The following SPATA45 variants were observed in gnomAD, a reference collection of about 807,000 sequenced individuals.
SPATA45 encodes spermatogenesis associated 45, also known as spermatogenesis-associated protein 45.
A neutral mutation model predicts 7.0 loss-of-function variants in SPATA45; 5 were observed. That is an observed-to-expected ratio of 0.71 (90% CI 0.37 to 1.50). The LOEUF is 1.50. Ranked by LOEUF, SPATA45 falls within the 40% of genes most tolerant of loss-of-function variation. The pLI is 0.03. For missense variants in SPATA45, 111 were observed against 114.9 expected (o/e 0.97, Z 0.16); for synonymous variants, 40 against 38.7 (o/e 1.03, Z -0.13).
chr1:212,834,731 G>A (rs1299987645), intron 2 of SPATA45, among the ~76,000 whole-genome samples: 1 of 151,670 alleles, frequency 6.6e-6, no homozygotes, highest in Admixed American at 6.6e-5. Context: ...GACTGGAGGT[G>A]TGAGCCACCG....
chr1:212,841,257 C>T (rs561749219), intron 1 of SPATA45, among the ~76,000 whole-genome samples: 2 of 152,130 alleles, frequency 1.3e-5, no homozygotes, highest in South Asian at 4.2e-4. Context: ...CTCCTAGGCT[C>T]AAGTGATCTT....
chr1:212,842,392 A>G (rs1468349840), intron 1 of SPATA45, among the ~76,000 whole-genome samples: 8 of 152,130 alleles, frequency 5.3e-5, no homozygotes, highest in Admixed American at 5.2e-4. Context: ...AAAATAAAAT[A>G]AAAATAAAAT....
intron 1 of SPATA45, among the ~76,000 whole-genome samples, chr1:212,841,308 C>A (rs558712186): frequency 6.6e-6 from 1 of 151,956 alleles, no homozygotes; most frequent in Non-Finnish European, 1.5e-5. Context: ...ACCACAAGTG[C>A]GCACCACCAT....
chr1:212,844,564 C>A (rs1663754841), intron 1 of SPATA45, among the ~76,000 whole-genome samples: 1 of 152,184 alleles, frequency 6.6e-6, no homozygotes, highest in African/African-American at 2.4e-5. Flanking sequence ...TCGCCACTCA[C>A]CAGCAAAGGC....
intron 1 of SPATA45, among the ~76,000 whole-genome samples, chr1:212,843,668 G>A (rs1663736061): frequency 6.6e-6 from 1 of 152,176 alleles, no homozygotes; most frequent in South Asian, 2.1e-4. Context: ...AGGGCCCTAT[G>A]TGACTGTTTG....
At chr1:212,837,502 A>G (rs952856047) in intron 1 of SPATA45, among the ~76,000 whole-genome samples, 1 of 151,564 alleles carries the variant, frequency 6.6e-6, no homozygotes, top group Admixed American at 6.6e-5. Context: ...GCATGGTGGC[A>G]GGCACCTGTA....
Position 212,837,662 on chromosome 1 carries a change from C to T in SPATA45, c.-38-1475G>A, listed in dbSNP as rs186410363. 1.4e-4 allele frequency among the ~76,000 whole-genome samples: 21 copies of T among 151,678 alleles called. 1 individual carries two copies. The East Asian group carries it at 2.5e-3, about 18-fold the overall frequency. On this transcript the variant is annotated intron_variant, in intron 1 of 2. Transcript: ENST00000332912. ...AATAAAATAAAATAAAGTGGCCAGGCGCAGTGGCTCACGCCTATAATCCCA... is the reference window on the plus strand; with the variant it reads ...AATAAAATAAAATAAAGTGGCCAGGTGCAGTGGCTCACGCCTATAATCCCA...
chr1:212,846,803 G>T (rs1663806055), intron 1 of SPATA45, among the ~76,000 whole-genome samples: 1 of 152,194 alleles, frequency 6.6e-6, no homozygotes, highest in Non-Finnish European at 1.5e-5. Context: ...GGACGCACGT[G>T]ACAAAAGGGG....
chr1:212,841,999 G>C (rs1317516484), intron 1 of SPATA45, among the ~76,000 whole-genome samples: 2 of 151,912 alleles, frequency 1.3e-5, no homozygotes, highest in African/African-American at 4.8e-5. Context: ...GACCTCAAGT[G>C]ATCTGCCCGC....
intron 2 of SPATA45, among the ~76,000 whole-genome samples, chr1:212,834,306 A>G (rs1018808330): frequency 6.6e-6 from 1 of 151,626 alleles, no homozygotes; most frequent in African/African-American, 2.4e-5. Flanking sequence ...TTTCAAATAA[A>G]TGAAAAAATG....
chr1:212,835,769 G>C, intron 2 of SPATA45, 104 bp downstream of exon 2: 1 of 1,017,824 alleles, frequency 9.8e-7, no homozygotes, highest in African/African-American at 1.6e-5. Flanking sequence ...CCGGGAGGTG[G>C]AGGTTGCAGT....
chr1:212,842,787 A>G (rs1453152176), intron 1 of SPATA45, among the ~76,000 whole-genome samples: 1 of 151,976 alleles, frequency 6.6e-6, no homozygotes, highest in Non-Finnish European at 1.5e-5. Flanking sequence ...AGCCTGGCCA[A>G]CATGGTGAAA....
intron 1 of SPATA45, among the ~76,000 whole-genome samples, chr1:212,839,344 T>TG (rs1233346011): frequency 6.7e-6 from 1 of 150,314 alleles, no homozygotes; most frequent in Non-Finnish European, 1.5e-5. Context: ...AGGCTAGGTA[T>TG]GGTGGCTCAT....
chr1:212,840,996 A>G (rs932849703), intron 1 of SPATA45, among the ~76,000 whole-genome samples: 2 of 151,688 alleles, frequency 1.3e-5, no homozygotes, highest in African/African-American at 2.4e-5. Flanking sequence ...GATGGAGTCC[A>G]GTGGAGTGAT....
At chr1:212,844,957 C>T (rs1482388972) in intron 1 of SPATA45, among the ~76,000 whole-genome samples, 1 of 152,204 alleles carries the variant, frequency 6.6e-6, no homozygotes, top group African/African-American at 2.4e-5. Context: ...AGCCTTCCAA[C>T]TTCTGTCCCT....
intron 1 of SPATA45, 39 bp from the exon 2 acceptor site, chr1:212,836,226 G>T: frequency 7.1e-7 from 1 of 1,405,450 alleles, no homozygotes. Flanking sequence ...TTGTCTTTTT[G>T]ACTCAGAAGC....
intron 1 of SPATA45, among the ~76,000 whole-genome samples, chr1:212,837,909 TAAAAA>T (rs1663616230): frequency 6.6e-6 from 1 of 151,630 alleles, no homozygotes; most frequent in African/African-American, 2.4e-5. Context: ...ACAGTGAACT[TAAAAA>T]GAAAAGAAAA....
chr1:212,833,503 CAAAAAAAAAA>C (rs35760900), intron 2 of SPATA45, among the ~76,000 whole-genome samples: 1 of 108,780 alleles, frequency 9.2e-6, no homozygotes, highest in African/African-American at 3.6e-5. Flanking sequence ...TACTAAAATA[CAAAAAAAAAA>C]AAAAAAAAAA....
At chr1:212,834,864 CAGG>C (rs1663561269) in intron 2 of SPATA45, among the ~76,000 whole-genome samples, 1 of 151,670 alleles carries the variant, frequency 6.6e-6, no homozygotes, top group African/African-American at 2.4e-5. Flanking sequence ...GACGAGATAG[CAGG>C]TTTCTGAAGT....
Sources: allele counts gnomAD v4.1 joint callset (sites outside exome capture counted in the v4.1 genomes callset), GRCh38; gene constraint gnomAD v4.1.1; transcripts MANE v1.5; gene names NCBI Gene and HGNC (gene_info 2026-07-23, HGNC 2026-07-21).